Variants in LRRTM4 observed in about 807,000 individuals in gnomAD.
LRRTM4 encodes leucine-rich repeat transmembrane neuronal protein 4.
Under a neutral mutation model 47.6 loss-of-function variants are expected in LRRTM4, and 25 were observed. That is an observed-to-expected ratio of 0.53 (90% CI 0.38 to 0.73). The LOEUF (loss-of-function observed/expected upper bound fraction) is 0.73, where lower values mean the gene tolerates loss of function less well. Among genes scored for constraint, LRRTM4 ranks in the 30% least tolerant of loss-of-function variants. The pLI, the probability that LRRTM4 is intolerant of heterozygous loss-of-function variation, is 0.00. For missense variants in LRRTM4, 638 were observed against 713.4 expected (o/e 0.89, Z 1.20); for synonymous variants, 311 against 269.5 (o/e 1.15, Z -1.51).
chr2:77,221,718 G>T (rs1200064099), intron 3 of LRRTM4, among the ~76,000 whole-genome samples: 1 of 151,964 alleles, frequency 6.6e-6, no homozygotes, highest in Non-Finnish European at 1.5e-5. Context: ...AGTCCTGAGT[G>T]ACCTACAAAG....
chr2:77,225,461 C>T (rs1558642601), intron 3 of LRRTM4, among the ~76,000 whole-genome samples: 4 of 151,244 alleles, frequency 2.6e-5, no homozygotes, highest in South Asian at 2.1e-4. Flanking sequence ...AAAGTGCTTG[C>T]GGTGTGCCCA....
chr2:77,427,266 C>T (rs1180751846), intron 3 of LRRTM4, among the ~76,000 whole-genome samples: 1 of 152,044 alleles, frequency 6.6e-6, no homozygotes, highest in African/African-American at 2.4e-5. Context: ...CGTGAGCCAC[C>T]GCACCCGGCC....
chr2:77,039,650 ATAT>A (rs1678958662), intron 3 of LRRTM4, among the ~76,000 whole-genome samples: 1 of 151,272 alleles, frequency 6.6e-6, no homozygotes, highest in Non-Finnish European at 1.5e-5. Flanking sequence ...ACCATATCAA[ATAT>A]TAATAATGTA....
rs1398269259 is a variant in LRRTM4 at position 76,748,784 on chromosome 2, C to A, written c.1684G>T (p.Gly562Cys). The A allele has an allele frequency of 6.2e-7, 1 of 1,613,858 alleles. No homozygotes were observed. The highest frequency in any genetic ancestry group is 8.5e-7 in the Non-Finnish European group (1 of 1,179,902). ...CTGTGGTCTCGGCCCAGCTCCAGGC[C>A]GGGGCTTTCGTCCTGCTCTGGAGAC... Reference protein sequence around the residue: ...TVSPEQDESPGLELGRDHSFI... With the variant: ...TVSPEQDESPCLELGRDHSFI... Residue 562 changes from glycine (G) to cysteine (C), a missense_variant, in exon 4 of 4, where the codon GGC becomes TGC. Physicochemically the swap from Gly to Cys is radical, Grantham distance 159 (BLOSUM62 -3). Coordinates refer to ENST00000409884, the MANE Select transcript of LRRTM4 (RefSeq NM_001134745.3).
intron 3 of LRRTM4, among the ~76,000 whole-genome samples, chr2:76,876,636 T>C (rs1197632492): frequency 6.6e-6 from 1 of 152,020 alleles, no homozygotes; most frequent in African/African-American, 2.4e-5. Flanking sequence ...TTCTTTATGC[T>C]CTACTTCTTT....
chr2:77,090,057 C>CT (rs1680883714), intron 3 of LRRTM4, among the ~76,000 whole-genome samples: 1 of 152,100 alleles, frequency 6.6e-6, no homozygotes, highest in Non-Finnish European at 1.5e-5. Context: ...GCTCCCCAGG[C>CT]TGCTCCTCGC....
At chr2:77,313,862 C>T (rs889011468) in intron 3 of LRRTM4, among the ~76,000 whole-genome samples, 14 of 152,144 alleles carry the variant, frequency 9.2e-5, no homozygotes, top group Admixed American at 4.6e-4. Flanking sequence ...CCACACCCCA[C>T]TCAAAATCAA....
At chr2:77,381,459 A>C (rs1260368537) in intron 3 of LRRTM4, among the ~76,000 whole-genome samples, 1 of 152,106 alleles carries the variant, frequency 6.6e-6, no homozygotes, top group Admixed American at 6.6e-5. Flanking sequence ...TTGCTTTAAC[A>C]CTAAAAGATT....
At chr2:77,471,265 A>G (rs942987067) in intron 3 of LRRTM4, among the ~76,000 whole-genome samples, 2 of 152,098 alleles carry the variant, frequency 1.3e-5, no homozygotes, top group African/African-American at 4.8e-5. Context: ...TTATTCCTAT[A>G]CCTTATACAT....
intron 3 of LRRTM4, among the ~76,000 whole-genome samples, chr2:76,813,014 AATT>A (rs1670791042): frequency 6.6e-6 from 1 of 151,898 alleles, no homozygotes; most frequent in African/African-American, 2.4e-5. Flanking sequence ...AAATACAAAA[AATT>A]AGCTGGCATG....
At chr2:76,907,328 G>A (rs190008627) in intron 3 of LRRTM4, among the ~76,000 whole-genome samples, 2,488 of 151,340 alleles carry the variant, frequency 0.016, 98 homozygotes, top group East Asian at 0.13. Flanking sequence ...GAATCTCTGG[G>A]ACGCATTCAA....
chr2:76,911,860 G>A (rs1178675067), intron 3 of LRRTM4, among the ~76,000 whole-genome samples: 1 of 149,020 alleles, frequency 6.7e-6, no homozygotes, highest in African/African-American at 2.5e-5. Flanking sequence ...GTGTCTGTGT[G>A]TGTGTGTGTA....
intron 3 of LRRTM4, among the ~76,000 whole-genome samples, chr2:76,894,761 C>G (rs78647183): frequency 1.2e-3 from 179 of 151,926 alleles, no homozygotes; most frequent in African/African-American, 4.2e-3. Context: ...CACCGAATAT[C>G]TGTATTTGTA....
intron 3 of LRRTM4, among the ~76,000 whole-genome samples, chr2:77,075,816 G>C (rs1680316116): frequency 6.9e-6 from 1 of 145,174 alleles, no homozygotes; most frequent in Non-Finnish European, 1.5e-5. Context: ...TTGGGAGGCT[G>C]AGGCAGGAGA....
intron 3 of LRRTM4, among the ~76,000 whole-genome samples, chr2:76,847,725 T>G (rs1671878135): frequency 6.6e-6 from 1 of 152,118 alleles, no homozygotes; most frequent in African/African-American, 2.4e-5. Flanking sequence ...CACTTTTATT[T>G]TACCTTTATT....
At chr2:77,285,602 C>A (rs1676634208) in intron 3 of LRRTM4, among the ~76,000 whole-genome samples, 2 of 151,402 alleles carry the variant, frequency 1.3e-5, no homozygotes, top group Non-Finnish European at 2.9e-5. Context: ...ATTAGCCGGG[C>A]CTGCTGGCAC....
intron 3 of LRRTM4, among the ~76,000 whole-genome samples, chr2:77,394,262 C>T (rs1216319098): frequency 1.3e-5 from 2 of 151,900 alleles, no homozygotes; most frequent in Non-Finnish European, 2.9e-5. Flanking sequence ...AGCTTCCACT[C>T]AGGTTTTAAT....
chr2:77,049,289 GATTTC>G (rs1666605434), intron 3 of LRRTM4, among the ~76,000 whole-genome samples: 1 of 150,600 alleles, frequency 6.6e-6, no homozygotes, highest in South Asian at 2.1e-4. Context: ...TTGACATATT[GATTTC>G]TTTTCCTTTT....
intron 3 of LRRTM4, among the ~76,000 whole-genome samples, chr2:77,479,481 G>C (rs1006485918): frequency 6.6e-6 from 1 of 152,150 alleles, no homozygotes; most frequent in African/African-American, 2.4e-5. Flanking sequence ...AGGGTTTACC[G>C]GACAGTGTGC....
Sources: gnomAD v4.1 joint callset for allele counts (sites outside exome capture counted in the v4.1 genomes callset) on GRCh38, gnomAD v4.1.1 for gene constraint, MANE v1.5 for transcripts, NCBI Gene and HGNC (gene_info 2026-07-23, HGNC 2026-07-21) for gene names.